The following GPC3 variants were observed in gnomAD, a reference collection of about 807,000 sequenced individuals.
GPC3 encodes the protein glypican 3.
GPC3 carries 3 observed loss-of-function variants against 34.4 expected under a neutral mutation model. The ratio of observed to expected loss-of-function variants is 0.09; its 90% CI spans 0.04 to 0.23. The LOEUF (loss-of-function observed/expected upper bound fraction) is 0.23, where lower values mean the gene tolerates loss of function less well. Among genes scored for constraint, GPC3 ranks in the 10% least tolerant of loss-of-function variants. GPC3 has a pLI of 1.00. For synonymous variants in GPC3, 177 were observed against 174.0 expected (o/e 1.02, Z -0.13); for missense variants, 351 against 445.6 (o/e 0.79, Z 1.91).
intron 7 of GPC3, among the ~76,000 whole-genome samples, chrX:133,558,118 C>T (rs1354558732): frequency 9.0e-6 from 1 of 111,098 alleles, no homozygotes; most frequent in Non-Finnish European, 1.9e-5. Context: ...AATTTCCTCA[C>T]AAATGGAAGA....
chrX:133,878,220 G>C (rs2076025523), intron 2 of GPC3, among the ~76,000 whole-genome samples: 2 of 111,230 alleles, frequency 1.8e-5, no homozygotes, highest in African/African-American at 6.5e-5. Context: ...CTGAGGTCAG[G>C]AGGTCAAGAC....
In GPC3 at chrX:133,689,035, C is replaced by T. The variant is rs370146154; in HGVS notation, c.1292+3334G>A. 1.6e-4 allele frequency among the ~76,000 whole-genome samples: 18 copies of T among 110,996 alleles called. No individual in the cohort carries two copies. In the East Asian group the frequency reaches 3.4e-3, roughly 21 times the overall value. On this transcript the variant is annotated intron_variant, in intron 5 of 7. Coordinates refer to ENST00000370818, the MANE Select transcript of GPC3 (RefSeq NM_004484.4). ...TTAATTATAACCTGAGGTTACTAAC[C>T]AAGAAGGAGTCACTTCCTGGATTAC... is the stretch of plus-strand genomic sequence containing the variant.
At position 133,842,580 on chromosome X, in the gene GPC3, C is replaced by T. The variant is rs988331871; in HGVS notation, c.338-88404G>A. Reference sequence around the variant, plus strand: ...TAAGGAAACATGTTGAAAGTGCAGACTGAAGAAAGAGTTCCATGAAAGTGA... The same window carrying T: ...TAAGGAAACATGTTGAAAGTGCAGATTGAAGAAAGAGTTCCATGAAAGTGA... On this transcript the variant is annotated intron_variant, in intron 2 of 7. Coordinates refer to ENST00000370818, the MANE Select transcript of GPC3 (RefSeq NM_004484.4). 4.6e-5 allele frequency among the ~76,000 whole-genome samples: 5 copies of T among 109,075 alleles called. No individual in the cohort carries two copies. In the Admixed American group the frequency reaches 5.0e-4, roughly 11 times the overall value. The allele number at this position is 109,075 out of a possible 115,157, so 94.7% of individuals were successfully genotyped here.
chrX:133,701,586 C>T (rs1488510521), intron 3 of GPC3, among the ~76,000 whole-genome samples: 4 of 112,256 alleles, frequency 3.6e-5, no homozygotes. Flanking sequence ...TTAGAAATAT[C>T]TGGCAAGGAG....
intron 6 of GPC3, among the ~76,000 whole-genome samples, chrX:133,647,768 G>C (rs978253736): frequency 9.0e-6 from 1 of 111,705 alleles, no homozygotes; most frequent in Non-Finnish European, 1.9e-5. Context: ...CTTTCTCACA[G>C]TTTTGGTAAT....
At chrX:133,577,695 A>C (rs1332314902) in intron 7 of GPC3, among the ~76,000 whole-genome samples, 1 of 112,178 alleles carries the variant, frequency 8.9e-6, no homozygotes, top group East Asian at 2.8e-4. Flanking sequence ...GCTTGTTTTA[A>C]TTCCTATTCC....
At chrX:133,829,702 GA>G (rs1448788574) in intron 2 of GPC3, among the ~76,000 whole-genome samples, 3 of 111,368 alleles carry the variant, frequency 2.7e-5, no homozygotes, top group African/African-American at 6.5e-5. Context: ...AAAGCAAAAA[GA>G]AAAAAATAAT....
At chrX:133,867,820 G>GGCAGACAA (rs2075975350) in intron 2 of GPC3, among the ~76,000 whole-genome samples, 1 of 106,752 alleles carries the variant, frequency 9.4e-6, no homozygotes, top group African/African-American at 3.4e-5. Flanking sequence ...GCAGATGAAT[G>GGCAGACAA]GCAGAATGGT....
intron 2 of GPC3, among the ~76,000 whole-genome samples, chrX:133,827,428 T>C (rs1248053289): frequency 8.9e-6 from 1 of 112,022 alleles, no homozygotes; most frequent in African/African-American, 3.2e-5. Flanking sequence ...ACACGATATA[T>C]ACAGATGTAA....
chrX:133,600,279 T>C (rs890867579), intron 6 of GPC3, among the ~76,000 whole-genome samples: 2 of 111,797 alleles, frequency 1.8e-5, no homozygotes, highest in Non-Finnish European at 3.8e-5. Context: ...AAGGCCCAGA[T>C]TAATTATAGA....
rs1456710707 is a variant in GPC3 at position 133,692,452 on chromosome X, A to G, written c.1209T>C (p.Ser403=). The G allele has an allele frequency of 8.3e-7, 1 of 1,204,981 alleles. No individual in the cohort carries two copies. The highest frequency in any genetic ancestry group is 3.0e-5 in the East Asian group (1 of 33,788). ...QKLKSFISFY[S]ALPGYICSHS... ...GGCTGCAGATGTAGCCAGGCAAAGC[A>G]CTATAGAAGCTGATGAAAGACTTCA... The change falls in exon 5 of 8, where the codon AGT becomes AGC. Residue 403 remains serine, a synonymous_variant. Transcript: ENST00000370818.
At chrX:133,828,986 A>G (rs938468642) in intron 2 of GPC3, among the ~76,000 whole-genome samples, 2 of 112,063 alleles carry the variant, frequency 1.8e-5, no homozygotes, top group African/African-American at 6.5e-5. Context: ...AAAAATATAA[A>G]TAAAGTAACT....
At chrX:133,902,901 C>T (rs1190216961) in intron 2 of GPC3, among the ~76,000 whole-genome samples, 2 of 111,680 alleles carry the variant, frequency 1.8e-5, no homozygotes, top group Non-Finnish European at 3.8e-5. Flanking sequence ...TTTGCTTCTT[C>T]CCATGTATTA....
intron 7 of GPC3, among the ~76,000 whole-genome samples, chrX:133,594,091 C>T (rs1484170125): frequency 9.2e-6 from 1 of 108,689 alleles, no homozygotes; most frequent in Non-Finnish European, 1.9e-5. Context: ...AGCCAAACTC[C>T]ATCTCAAAAA....
chrX:133,802,914 C>CTTTTTT (rs751359373), intron 2 of GPC3, among the ~76,000 whole-genome samples: 4 of 68,549 alleles, frequency 5.8e-5, no homozygotes, highest in African/African-American at 1.1e-4. Context: ...GGAAGGTATT[C>CTTTTTT]TTTTTTTTTT....
At chrX:133,891,019 A>G (rs2076084329) in intron 2 of GPC3, among the ~76,000 whole-genome samples, 1 of 110,141 alleles carries the variant, frequency 9.1e-6, no homozygotes, top group African/African-American at 3.3e-5. Flanking sequence ...ACATAGAGGG[A>G]CACTGTCTCT....
At chrX:133,959,630 T>C (rs528227854) in intron 1 of GPC3, among the ~76,000 whole-genome samples, 5 of 112,672 alleles carry the variant, frequency 4.4e-5, no homozygotes, top group Middle Eastern at 4.6e-3. Context: ...ATCTATAACA[T>C]GGGATCATCA....
At chrX:133,723,745 T>A (rs2071388397) in intron 3 of GPC3, among the ~76,000 whole-genome samples, 1 of 111,816 alleles carries the variant, frequency 8.9e-6, no homozygotes, top group Non-Finnish European at 1.9e-5. Context: ...AGTGGAAGCT[T>A]CCTGAGGCCC....
At chrX:133,718,117 CCA>C (rs2071332045) in intron 3 of GPC3, among the ~76,000 whole-genome samples, 2 of 111,613 alleles carry the variant, frequency 1.8e-5, no homozygotes, top group African/African-American at 6.5e-5. Context: ...GAAGAAACAT[CCA>C]CAAAGTTTAC....
Sources: gnomAD v4.1 joint callset for allele counts (sites outside exome capture counted in the v4.1 genomes callset) on GRCh38, gnomAD v4.1.1 for gene constraint, MANE v1.5 for transcripts, NCBI Gene and HGNC (gene_info 2026-07-23, HGNC 2026-07-21) for gene names.